The following TSPAN14 variants were observed in gnomAD, a reference collection of about 807,000 sequenced individuals.
TSPAN14 encodes the protein tetraspanin 14, also known as tetraspanin-14.
A neutral mutation model predicts 36.6 loss-of-function variants in TSPAN14; 16 were observed. The observed-to-expected ratio is 0.44, with a 90% CI of 0.30 to 0.66. TSPAN14 has a LOEUF of 0.66. Ranked by LOEUF, TSPAN14 falls within the 30% of genes least tolerant of loss-of-function variation. The pLI, the probability that TSPAN14 is intolerant of heterozygous loss-of-function variation, is 0.12. For missense variants in TSPAN14, 231 were observed against 355.1 expected, an observed-to-expected ratio of 0.65 and a Z score of 2.81; for synonymous variants, 139 against 143.8, an observed-to-expected ratio of 0.97 and a Z score of 0.24.
intron 1 of TSPAN14, among the ~76,000 whole-genome samples, chr10:80,473,788 C>T (rs1846700281): frequency 6.6e-6 from 1 of 151,260 alleles, no homozygotes; most frequent in South Asian, 2.1e-4. Context: ...CTGGTGGCCC[C>T]TGGATTTGGC....
intron 2 of TSPAN14, among the ~76,000 whole-genome samples, chr10:80,500,795 A>T (rs935325446): frequency 1.3e-5 from 2 of 152,228 alleles, no homozygotes; most frequent in African/African-American, 4.8e-5. Context: ...TCTGTGGGCC[A>T]TATGCAGAGC....
At chr10:80,510,739 C>T (rs540952329) in intron 5 of TSPAN14, among the ~76,000 whole-genome samples, 24 of 151,808 alleles carry the variant, frequency 1.6e-4, no homozygotes, top group South Asian at 6.3e-4. Context: ...TGGGGTGTGG[C>T]GGTGGGCACC....
intron 1 of TSPAN14, among the ~76,000 whole-genome samples, chr10:80,466,786 G>A (rs572093579): frequency 4.7e-4 from 72 of 152,316 alleles, no homozygotes; most frequent in East Asian, 1.9e-4. Flanking sequence ...GCTTGAGGCC[G>A]TTGGATTACG....
intron 1 of TSPAN14, among the ~76,000 whole-genome samples, chr10:80,484,131 G>T (rs1179477571): frequency 1.3e-5 from 2 of 151,008 alleles, no homozygotes; most frequent in Non-Finnish European, 2.9e-5. Context: ...TGTGGTCCCA[G>T]CTACTCCAGA....
At chr10:80,517,800 G>T in intron 8 of TSPAN14, 105 bp from the exon 9 acceptor site, 2 of 1,089,496 alleles carry the variant, frequency 1.8e-6, no homozygotes, top group Middle Eastern at 2.3e-4. Context: ...CAGCTGGGGG[G>T]TGAGGAGAGG....
At chr10:80,474,976 A>T (rs895210145) in intron 1 of TSPAN14, among the ~76,000 whole-genome samples, 1 of 152,198 alleles carries the variant, frequency 6.6e-6, no homozygotes, top group Non-Finnish European at 1.5e-5. Flanking sequence ...ATTTCCAGCA[A>T]GCTCCTGAAA....
At chr10:80,494,485 A>G (rs1401340228) in intron 2 of TSPAN14, among the ~76,000 whole-genome samples, 1 of 152,244 alleles carries the variant, frequency 6.6e-6, no homozygotes, top group Admixed American at 6.5e-5. Context: ...GACAAGCCCA[A>G]GGTGGAAAGA....
At chr10:80,508,068 C>T (rs192922806) in intron 4 of TSPAN14, among the ~76,000 whole-genome samples, 5 of 149,990 alleles carry the variant, frequency 3.3e-5, no homozygotes, top group South Asian at 2.1e-4. Context: ...ACAGAGATTA[C>T]GTTTTGGCAG....
chr10:80,471,659 C>A (rs1339409370), intron 1 of TSPAN14, among the ~76,000 whole-genome samples: 1 of 152,172 alleles, frequency 6.6e-6, no homozygotes, highest in Non-Finnish European at 1.5e-5. Flanking sequence ...GAGTGGGCAG[C>A]TTCACCTTCA....
intron 6 of TSPAN14, among the ~76,000 whole-genome samples, chr10:80,513,562 A>G (rs1840771023): frequency 6.6e-6 from 1 of 152,230 alleles, no homozygotes; most frequent in African/African-American, 2.4e-5. Flanking sequence ...CTTACCTCCT[A>G]GCAAACTGTG....
At chr10:80,495,534 G>A (rs1848155280) in intron 2 of TSPAN14, among the ~76,000 whole-genome samples, 1 of 152,272 alleles carries the variant, frequency 6.6e-6, no homozygotes, top group Non-Finnish European at 1.5e-5. Context: ...GTGTGAGGCT[G>A]GGACCACCAG....
At chr10:80,456,617 TGC>T (rs1340647533) in intron 1 of TSPAN14, among the ~76,000 whole-genome samples, 1 of 152,248 alleles carries the variant, frequency 6.6e-6, no homozygotes, top group African/African-American at 2.4e-5. Flanking sequence ...CTTTTAGCAG[TGC>T]CTGCAAAGTG....
chr10:80,505,861 C>A (rs893467779), intron 3 of TSPAN14, among the ~76,000 whole-genome samples: 1 of 152,202 alleles, frequency 6.6e-6, no homozygotes, highest in African/African-American at 2.4e-5. Context: ...AAGGCCAGAA[C>A]CTAGTTTAGA....
intron 1 of TSPAN14, among the ~76,000 whole-genome samples, chr10:80,487,905 C>T (rs750025391): frequency 3.3e-5 from 5 of 152,148 alleles, no homozygotes; most frequent in African/African-American, 7.2e-5. Context: ...TCACAGGTTC[C>T]GTTTCCAGAG....
At chr10:80,506,020 G>A (rs112263556) in intron 3 of TSPAN14, among the ~76,000 whole-genome samples, 242 of 152,354 alleles carry the variant, frequency 1.6e-3, no homozygotes, top group Middle Eastern at 3.4e-3. Context: ...TGCCCAGGCC[G>A]GAGCGCAGTG....
intron 1 of TSPAN14, among the ~76,000 whole-genome samples, chr10:80,476,566 C>G (rs1188409999): frequency 6.6e-6 from 1 of 151,874 alleles, no homozygotes; most frequent in Non-Finnish European, 1.5e-5. Flanking sequence ...CAGGCACCCG[C>G]TACCACACCC....
chr10:80,458,350 G>C (rs1902661), intron 1 of TSPAN14, among the ~76,000 whole-genome samples: 95,444 of 152,046 alleles, frequency 0.63, 30,153 homozygotes, highest in East Asian at 0.86. Context: ...CTCAGGCCAC[G>C]TTAGTAGGAT....
At chr10:80,499,472 G>C (rs371240890) in intron 2 of TSPAN14, among the ~76,000 whole-genome samples, 1 of 152,178 alleles carries the variant, frequency 6.6e-6, no homozygotes, top group Admixed American at 6.5e-5. Context: ...TCATTTGGCT[G>C]TAGAGCTGCA....
At chr10:80,471,751 G>A (rs1355196101) in intron 1 of TSPAN14, among the ~76,000 whole-genome samples, 1 of 152,176 alleles carries the variant, frequency 6.6e-6, no homozygotes, top group African/African-American at 2.4e-5. Context: ...TGAGAAGTGG[G>A]GGTGGGGTGG....
Sources: allele counts gnomAD v4.1 joint callset (sites outside exome capture counted in the v4.1 genomes callset), GRCh38; gene constraint gnomAD v4.1.1; transcripts MANE v1.5; gene names NCBI Gene and HGNC (gene_info 2026-07-23, HGNC 2026-07-21).